Variants in CUX1 observed in about 807,000 individuals in gnomAD.
CUX1 encodes the protein protein CASP.
Under a neutral mutation model 158.8 loss-of-function variants are expected in CUX1, and 31 were observed. The ratio of observed to expected loss-of-function variants is 0.20; its 90% CI spans 0.15 to 0.26. The LOEUF is 0.26. CUX1 is among the 10% of genes least tolerant of loss of function. CUX1 has a pLI of 1.00. For synonymous variants in CUX1, 879 were observed against 862.1 expected, an observed-to-expected ratio of 1.02 and a Z score of -0.34; for missense variants, 1,589 against 2,014.6, an observed-to-expected ratio of 0.79 and a Z score of 4.04.
intron 2 of CUX1, among the ~76,000 whole-genome samples, chr7:101,948,212 A>G (rs1808622807): frequency 6.6e-6 from 1 of 152,206 alleles, no homozygotes; most frequent in Non-Finnish European, 1.5e-5. Context: ...TTCCATAGTA[A>G]AATTACCATT....
intron 2 of CUX1, among the ~76,000 whole-genome samples, chr7:101,988,455 C>T (rs2129235106): frequency 6.6e-6 from 1 of 152,258 alleles, no homozygotes; most frequent in South Asian, 2.1e-4. Context: ...GCTTCTGCGC[C>T]AGCTCTTCCT....
At chr7:101,899,173 G>T (rs1042436687) in intron 1 of CUX1, among the ~76,000 whole-genome samples, 5 of 152,194 alleles carry the variant, frequency 3.3e-5, no homozygotes, top group African/African-American at 1.2e-4. Flanking sequence ...GGTGGAGTGG[G>T]TCCTTATAGA....
At chr7:102,138,288 T>G (rs1343934176) in intron 8 of CUX1, among the ~76,000 whole-genome samples, 1 of 152,238 alleles carries the variant, frequency 6.6e-6, no homozygotes, top group African/African-American at 2.4e-5. Flanking sequence ...ATGGGTAAAT[T>G]TGGCCTAATT....
intron 21 of CUX1, among the ~76,000 whole-genome samples, chr7:102,228,655 C>T (rs1169688802): frequency 6.6e-6 from 1 of 152,050 alleles, no homozygotes; most frequent in Non-Finnish European, 1.5e-5. Flanking sequence ...AAAAATTAGC[C>T]GGGTATGGTG....
At chr7:101,928,017 T>C (rs983951005) in intron 2 of CUX1, among the ~76,000 whole-genome samples, 1 of 152,238 alleles carries the variant, frequency 6.6e-6, no homozygotes, top group Non-Finnish European at 1.5e-5. Flanking sequence ...CTGAGAGCCA[T>C]GTGTCGCTTC....
chr7:101,840,366 G>A (rs1195356709), intron 1 of CUX1, among the ~76,000 whole-genome samples: 4 of 152,090 alleles, frequency 2.6e-5, no homozygotes, highest in Non-Finnish European at 5.9e-5. Flanking sequence ...GAGATTTTTG[G>A]TAGAAGGTTT....
At chr7:102,029,616 A>G (rs1036844821) in intron 3 of CUX1, among the ~76,000 whole-genome samples, 1 of 152,176 alleles carries the variant, frequency 6.6e-6, no homozygotes, top group African/African-American at 2.4e-5. Context: ...GAAAGAAGAC[A>G]CAGCAGTTGG....
chr7:102,066,441 T>C (rs1825556286), intron 3 of CUX1, among the ~76,000 whole-genome samples: 1 of 152,040 alleles, frequency 6.6e-6, no homozygotes, highest in Admixed American at 6.6e-5. Flanking sequence ...TTCAACCCAT[T>C]ATAGCCCCGA....
chr7:101,896,291 G>C (rs1407250606), intron 1 of CUX1, among the ~76,000 whole-genome samples: 1 of 152,168 alleles, frequency 6.6e-6, no homozygotes, highest in African/African-American at 2.4e-5. Flanking sequence ...AGGTGCAGCA[G>C]GTAGGCCAGG....
At chr7:101,970,470 C>G (rs1380889695) in intron 2 of CUX1, among the ~76,000 whole-genome samples, 1 of 152,136 alleles carries the variant, frequency 6.6e-6, no homozygotes, top group African/African-American at 2.4e-5. Context: ...TGCACACACC[C>G]CAGGATTGCA....
chr7:102,062,208 C>T (rs530143262), intron 3 of CUX1, among the ~76,000 whole-genome samples: 1 of 152,334 alleles, frequency 6.6e-6, no homozygotes, highest in East Asian at 1.9e-4. Flanking sequence ...GGAGGGAAAG[C>T]ACCCAGGGGG....
chr7:102,150,416 A>G (rs889394245), intron 8 of CUX1, among the ~76,000 whole-genome samples: 2 of 152,182 alleles, frequency 1.3e-5, no homozygotes, highest in African/African-American at 4.8e-5. Context: ...TCGGCCTCCC[A>G]AAGTGCTAGG....
chr7:102,139,772 C>G (rs782378605), intron 8 of CUX1, among the ~76,000 whole-genome samples: 16 of 152,174 alleles, frequency 1.1e-4, no homozygotes, highest in Non-Finnish European at 1.6e-4. Context: ...CTGCCTCACC[C>G]CCTTAAGTGG....
intron 3 of CUX1, among the ~76,000 whole-genome samples, chr7:102,029,543 G>A (rs978250237): frequency 1.8e-4 from 27 of 152,210 alleles, no homozygotes; most frequent in African/African-American, 5.1e-4. Flanking sequence ...GAATGAAGGA[G>A]GCCAGGGCGA....
chr7:101,928,713 C>T (rs1204946947), intron 2 of CUX1, among the ~76,000 whole-genome samples: 1 of 147,250 alleles, frequency 6.8e-6, no homozygotes, highest in Non-Finnish European at 1.5e-5. Context: ...CTCTGTCACC[C>T]AGGCTGGAGT....
rs1299911064 is a variant in CUX1, at chr7:102,051,654, C to CAAAAAAAAAAAAAAA, written c.190-18684_190-18670dup. 2.7e-3 allele frequency among the ~76,000 whole-genome samples: 239 copies of CAAAAAAAAAAAAAAA among 89,678 alleles called. 5 individuals carry two copies. Among genetic ancestry groups the CAAAAAAAAAAAAAAA allele is most frequent in the African/African-American group, 7.1e-3 (176 of 24,942 alleles). The allele number at this position is 89,678 out of a possible 152,430, so 58.8% of individuals were successfully genotyped here. ...TGGGTGACAGAGCGAGACTCTGTCT[C>CAAAAAAAAAAAAAAA]AAAAAAAAAAAAAAAGGAACACAGT... On this transcript the variant is annotated intron_variant, in intron 3 of 23. Coordinates refer to ENST00000292535, the MANE Select transcript of CUX1 (RefSeq NM_181552.4).
intron 4 of CUX1, among the ~76,000 whole-genome samples, chr7:102,079,307 G>A (rs547841766): frequency 3.3e-5 from 5 of 152,104 alleles, no homozygotes; most frequent in African/African-American, 9.6e-5. Context: ...GCATGGTGGC[G>A]TGCACCTATA....
At chr7:101,935,788 G>C (rs922674851) in intron 2 of CUX1, among the ~76,000 whole-genome samples, 2 of 152,184 alleles carry the variant, frequency 1.3e-5, no homozygotes, top group Non-Finnish European at 2.9e-5. Flanking sequence ...AGTGAAGCTT[G>C]GACTTCACTC....
At chr7:102,120,653 C>T (rs921267278) in intron 8 of CUX1, among the ~76,000 whole-genome samples, 2 of 152,162 alleles carry the variant, frequency 1.3e-5, no homozygotes, top group Admixed American at 6.5e-5. Context: ...CAAAATACAA[C>T]GTGCTCTGAA....
Sources: allele counts gnomAD v4.1 joint callset (sites outside exome capture counted in the v4.1 genomes callset), GRCh38; gene constraint gnomAD v4.1.1; transcripts MANE v1.5; gene names NCBI Gene and HGNC (gene_info 2026-07-23, HGNC 2026-07-21).